ANGPTL4: variants seen among roughly 807,000 people sequenced by gnomAD.
ANGPTL4 encodes angiopoietin-related protein 4.
Under a neutral mutation model 39.2 loss-of-function variants are expected in ANGPTL4, and 39 were observed. The ratio of observed to expected loss-of-function variants is 1.00; its 90% CI spans 0.77 to 1.30. The LOEUF is 1.30. Among genes scored for constraint, ANGPTL4 ranks in the 50% most tolerant of loss-of-function variants. The pLI, the probability that ANGPTL4 is intolerant of heterozygous loss-of-function variation, is 0.00. For missense variants in ANGPTL4, 545 were observed against 549.8 expected (o/e 0.99, Z 0.09); for synonymous variants, 233 against 229.5 (o/e 1.02, Z -0.14).
Position 8,364,228 on chromosome 19 carries a change from C to T in ANGPTL4, c.-94C>T, listed in dbSNP as rs1970946221. 3 of 1,335,814 alleles carry T rather than the reference C, an allele frequency of 2.2e-6. No homozygotes were observed. 82.7% of individuals were successfully genotyped at this position (1,335,814 alleles called of 1,614,324 possible). ...CAGCGGCTTCTGCAACCAAGCGGGT[C>T]TTACCCCCGGTCCTCCGCGTCTCCA... is the stretch of plus-strand genomic sequence containing the variant. On this transcript the variant is annotated 5_prime_UTR_variant, in exon 1 of 7. Transcript: ENST00000301455.
rs756648967 is a variant in ANGPTL4 at position 8,364,653 on chromosome 19, G to C, written c.318+14G>C. On this transcript the variant is annotated intron_variant, in intron 1 of 6. Transcript: ENST00000301455. Reference sequence around the variant, plus strand: ...CACAGCCTGCAGGTACGTGTCCCCAGGGCTGGTTCTCCGCGCCCCTAGTGG... The same window carrying C: ...CACAGCCTGCAGGTACGTGTCCCCACGGCTGGTTCTCCGCGCCCCTAGTGG... 11 of 1,579,008 alleles carry C rather than the reference G, an allele frequency of 7.0e-6. No individual in the cohort carries two copies. The highest frequency in any genetic ancestry group is 9.5e-6 in the Non-Finnish European group (11 of 1,163,294).
Position 8,373,991 on chromosome 19 carries a change from A to G in ANGPTL4, c.*105A>G. ...TGGGCAGGGGCTCCAAGGAGGGGCC[A>G]TCTGGAAACTTGTGGACAGAGAAGA... On this transcript the variant is annotated 3_prime_UTR_variant, in exon 7 of 7. Coordinates refer to ENST00000301455, the MANE Select transcript of ANGPTL4 (RefSeq NM_139314.3). 2 of 1,308,486 alleles carry G rather than the reference A, an allele frequency of 1.5e-6. No homozygotes were observed. The highest frequency in any genetic ancestry group is 1.2e-5 in the South Asian group (1 of 83,448). 81.1% of individuals were successfully genotyped at this position (1,308,486 alleles called of 1,614,324 possible). A position where few individuals can be genotyped will look rare whatever the true frequency, so the allele number is the denominator to read the frequency against.
intron 2 of ANGPTL4, 61 bp downstream of exon 2, chr19:8,366,125 A>T: frequency 6.2e-7 from 1 of 1,607,754 alleles, no homozygotes; most frequent in Non-Finnish European, 8.5e-7. Flanking sequence ...GTTGAGAGGG[A>T]GGTGGTGAGA....
At chr19:8,366,179 A>G (rs1599668032) in intron 2 of ANGPTL4, 23 bp from the exon 3 acceptor site, 1 of 1,612,140 alleles carries the variant, frequency 6.2e-7, no homozygotes, top group African/African-American at 1.3e-5. Context: ...AGGACCTGAC[A>G]CCCTCCTCCC....
chr19:8,373,273 C>T (rs1260498203), intron 6 of ANGPTL4, among the ~76,000 whole-genome samples: 3 of 152,000 alleles, frequency 2.0e-5, no homozygotes, highest in South Asian at 2.1e-4. Context: ...GGCGTGGTGG[C>T]GGGTGCCTGT....
rs1339963749 is a variant in ANGPTL4, at chr19:8,371,640, A to G, written c.1039+118A>G. ...TTTCCTGCCCCCACCTCTTCCTTAC[A>G]TGCCGTGTGTGTGATTGGGCCACTA... On this transcript the variant is annotated intron_variant, in intron 6 of 6. Coordinates refer to ENST00000301455, the MANE Select transcript of ANGPTL4 (RefSeq NM_139314.3). This position sits in a 1 kb window ranked among gnomAD's most constrained non-coding sequence, Gnocchi z 5.1. 6 of 1,417,974 alleles carry G rather than the reference A, an allele frequency of 4.2e-6. No individual in the cohort carries two copies. The African/African-American group carries it at 4.2e-5, about 10-fold the overall frequency. The allele number at this position is 1,417,974 out of a possible 1,614,324, so 87.8% of individuals were successfully genotyped here. A position where few individuals can be genotyped will look rare whatever the true frequency, so the allele number is the denominator to read the frequency against.
Position 8,373,860 on chromosome 19 carries a change from C to A in ANGPTL4, c.1195C>A (p.Pro399Thr). 1 of 1,613,652 alleles carries A rather than the reference C, an allele frequency of 6.2e-7. No homozygotes were observed. Among genetic ancestry groups the A allele is most frequent in the Non-Finnish European group, 8.5e-7 (1 of 1,179,974 alleles). The change falls in exon 7 of 7, where the codon CCC becomes ACC. Residue 399 changes from proline to threonine, a missense_variant. Coordinates refer to ENST00000301455, the MANE Select transcript of ANGPTL4 (RefSeq NM_139314.3). ...GCAGGCCACCACCATGTTGATCCAG[C>A]CCATGGCAGCAGAGGCAGCCTCCTA... ...PLQATTMLIQ[P>T]MAAEAAS is the part of the protein sequence containing the mutation.
At chr19:8,365,415 T>G (rs1234655613) in intron 1 of ANGPTL4, among the ~76,000 whole-genome samples, 1 of 151,744 alleles carries the variant, frequency 6.6e-6, no homozygotes, top group Non-Finnish European at 1.5e-5. Context: ...GAGGCGGAGG[T>G]TGCAGTGAGC....
chr19:8,369,450 C>T (rs1270653902), intron 4 of ANGPTL4, 118 bp downstream of exon 4: 3 of 631,822 alleles, frequency 4.7e-6, no homozygotes, highest in Non-Finnish European at 5.1e-6. Flanking sequence ...GTTGCCCAAG[C>T]TGGTCTTTTT....
chr19:8,369,284 C>T lies in ANGPTL4; in HGVS notation c.613C>T (p.Gln205Ter). 1 of 1,612,420 alleles carries T rather than the reference C, an allele frequency of 6.2e-7. No homozygotes were observed. The highest frequency in any genetic ancestry group is 1.8e-4 in the Middle Eastern group (1 of 5,596). ...GAGGCAGAGTGGACTATTTGAAATC[C>T]AGCCTCAGGGGTCTCCGCCATTTTT... ...GERQSGLFEI[Q>*]PQGSPPFLVN... Residue 205 changes from glutamine to a stop codon, truncating the protein, a stop_gained, in exon 4 of 7, where the codon CAG becomes TAG. Coordinates refer to ENST00000301455, the MANE Select transcript of ANGPTL4 (RefSeq NM_139314.3). LOFTEE classifies it high-confidence loss of function.
chr19:8,364,300 C>A lies in ANGPTL4; in HGVS notation c.-22C>A. 1 of 1,532,844 alleles carries A rather than the reference C, an allele frequency of 6.5e-7. No individual in the cohort carries two copies. Among genetic ancestry groups the A allele is most frequent in the South Asian group, 1.2e-5 (1 of 83,936 alleles). 95.0% of individuals were successfully genotyped at this position (1,532,844 alleles called of 1,614,324 possible). On this transcript the variant is annotated 5_prime_UTR_variant, in exon 1 of 7. Coordinates refer to ENST00000301455, the MANE Select transcript of ANGPTL4 (RefSeq NM_139314.3). ...ACGTCCCCGAGAGTCCCCGAATCCC[C>A]GCTCCCAGGCTACCTAAGAGGATGA...
rs1316151825 is a variant in ANGPTL4, at chr19:8,369,275, T to C, written c.604T>C (p.Phe202Leu). The change falls in exon 4 of 7, where the codon TTT becomes CTT. Residue 202 changes from phenylalanine to leucine, a missense_variant. Coordinates refer to ENST00000301455, the MANE Select transcript of ANGPTL4 (RefSeq NM_139314.3). Reference sequence around the variant, plus strand: ...GGTTGGGGAGAGGCAGAGTGGACTATTTGAAATCCAGCCTCAGGGGTCTCC... The same window carrying C: ...GGTTGGGGAGAGGCAGAGTGGACTACTTGAAATCCAGCCTCAGGGGTCTCC... ...FQVGERQSGL[F>L]EIQPQGSPPF... is the part of the protein sequence containing the mutation. 6.2e-7 allele frequency: 1 copy of C among 1,612,504 alleles called. No homozygotes were observed. Among genetic ancestry groups the C allele is most frequent in the Non-Finnish European group, 8.5e-7 (1 of 1,179,850 alleles).
Position 8,369,309 on chromosome 19 carries a change from T to C in ANGPTL4, c.638T>C (p.Leu213Ser). ...CAGCCTCAGGGGTCTCCGCCATTTT[T>C]GGTGAACTGCAAGATGACCTCAGGT... ...EIQPQGSPPF[L>S]VNCKMTSDGG... Residue 213 changes from leucine (L) to serine (S), a missense_variant, in exon 4 of 7, where the codon TTG (leucine) becomes TCG (serine). Leu to Ser is a moderately radical substitution (Grantham distance 145, BLOSUM62 -2). Coordinates refer to ENST00000301455, the MANE Select transcript of ANGPTL4 (RefSeq NM_139314.3). 1 of 1,612,224 alleles carries C rather than the reference T, an allele frequency of 6.2e-7. No individual in the cohort carries two copies. Among genetic ancestry groups the C allele is most frequent in the Non-Finnish European group, 8.5e-7 (1 of 1,179,726 alleles).
At position 8,371,131 on chromosome 19, in the gene ANGPTL4, C is replaced by T. The variant is rs200311316; in HGVS notation, c.737C>T (p.Ala246Val). 6.8e-5 allele frequency: 110 copies of T among 1,613,108 alleles called. No individual in the cohort carries two copies. The highest frequency in any genetic ancestry group is 6.2e-4 in the East Asian group (28 of 44,844). ...DFNRPWEAYK[A>V]GFGDPHGEFW... ...AACCGGCCCTGGGAAGCCTACAAGG[C>T]GGGGTTTGGGGATCCCCACGGTAGG... is the stretch of plus-strand genomic sequence containing the variant. The change falls in exon 5 of 7, where the codon GCG (alanine) becomes GTG (valine). Residue 246 changes from alanine to valine, a missense_variant. Transcript: ENST00000301455. This position sits in a 1 kb window ranked among gnomAD's most constrained non-coding sequence, Gnocchi z 5.1.
intron 6 of ANGPTL4, among the ~76,000 whole-genome samples, chr19:8,372,737 G>C (rs983857545): frequency 1.3e-5 from 2 of 151,906 alleles, no homozygotes; most frequent in Admixed American, 6.6e-5. Flanking sequence ...AGGCTGCAGT[G>C]AGCTGAGACT....
rs1971173545 is a variant in ANGPTL4, at chr19:8,373,750, A to T, written c.1085A>T (p.Gln362Leu). The T allele has an allele frequency of 1.2e-6, 2 of 1,613,920 alleles. No individual in the cohort carries two copies. Among genetic ancestry groups the T allele is most frequent in the Admixed American group, 3.3e-5 (2 of 60,012 alleles). Residue 362 changes from glutamine (Q) to leucine (L), a missense_variant, in exon 7 of 7, where the codon CAG becomes CTG. By Grantham distance (113) the Gln-to-Leu change is moderately radical (BLOSUM62 -2). Transcript: ENST00000301455. ...TGCAGCCATTCCAACCTCAACGGCC[A>T]GTACTTCCGCTCCATCCCACAGCAG... Reference protein sequence around the residue: ...GTCSHSNLNGQYFRSIPQQRQ... With the variant: ...GTCSHSNLNGLYFRSIPQQRQ...
intron 4 of ANGPTL4, 117 bp from the exon 5 acceptor site, chr19:8,370,939 G>A: frequency 9.0e-7 from 1 of 1,113,262 alleles, no homozygotes; most frequent in Non-Finnish European, 1.3e-6. Flanking sequence ...CCAGGGATGA[G>A]TGAGGGAGCT....
chr19:8,364,346 G>T lies in ANGPTL4; in HGVS notation c.25G>T (p.Ala9Ser), dbSNP rs1025526193. Residue 9 changes from alanine (A) to serine (S), a missense_variant, in exon 1 of 7, where the codon GCA (alanine) becomes TCA (serine). Ala to Ser is a moderately conservative substitution (Grantham distance 99). Transcript: ENST00000301455. MSGAPTAG[A>S]ALMLCAATAV... ...GATGAGCGGTGCTCCGACGGCCGGGGCAGCCCTGATGCTCTGCGCCGCCAC... is the reference window on the plus strand; with the variant it reads ...GATGAGCGGTGCTCCGACGGCCGGGTCAGCCCTGATGCTCTGCGCCGCCAC... 7.2e-5 allele frequency: 111 copies of T among 1,547,912 alleles called. No individual in the cohort carries two copies. Among genetic ancestry groups the T allele is most frequent in the Non-Finnish European group, 8.9e-5 (102 of 1,151,276 alleles).
In ANGPTL4 at chr19:8,366,187, C is replaced by T. The variant is rs1335888203; in HGVS notation, c.430-15C>T. On this transcript the variant is annotated splice_polypyrimidine_tract_variant and intron_variant, in intron 2 of 6. Coordinates refer to ENST00000301455, the MANE Select transcript of ANGPTL4 (RefSeq NM_139314.3). Reference sequence around the variant, plus strand: ...GCCAGGCAGGACCTGACACCCTCCTCCCGTCCCATCCTAGTTTGGCCTCCT... The same window carrying T: ...GCCAGGCAGGACCTGACACCCTCCTTCCGTCCCATCCTAGTTTGGCCTCCT... The T allele has an allele frequency of 1.2e-6, 2 of 1,613,578 alleles. No individual in the cohort carries two copies. The highest frequency in any genetic ancestry group is 1.3e-5 in the African/African-American group (1 of 74,726).
Sources: gnomAD v4.1 joint callset for allele counts (sites outside exome capture counted in the v4.1 genomes callset) on GRCh38, gnomAD v4.1.1 for gene constraint, Gnocchi (gnomAD v3.1) non-coding constraint, MANE v1.5 for transcripts, NCBI Gene and HGNC (gene_info 2026-07-23, HGNC 2026-07-21) for gene names.